The following STXBP6 variants were observed in gnomAD, a reference collection of about 807,000 sequenced individuals.
The protein encoded by STXBP6 is syntaxin binding protein 6, also known as syntaxin-binding protein 6.
STXBP6 carries 21 observed loss-of-function variants against 26.9 expected under a neutral mutation model. The ratio of observed to expected loss-of-function variants is 0.78; its 90% confidence interval spans 0.55 to 1.12. The LOEUF (loss-of-function observed/expected upper bound fraction) is 1.12, where lower values mean the gene tolerates loss of function less well. Among genes scored for constraint, STXBP6 ranks in the 50% most tolerant of loss-of-function variants. The pLI is 0.00. For synonymous variants in STXBP6, 97 were observed against 92.6 expected, an observed-to-expected ratio of 1.05 and a Z score of -0.27; for missense variants, 232 against 257.9, an observed-to-expected ratio of 0.90 and a Z score of 0.69.
intron 1 of STXBP6, among the ~76,000 whole-genome samples, chr14:25,011,154 C>T (rs2075019601): frequency 6.6e-6 from 1 of 151,320 alleles, no homozygotes; most frequent in Non-Finnish European, 1.5e-5. Context: ...TACTTTCCAA[C>T]AAAGAAATTT....
chr14:25,030,288 C>A (rs993867661), intron 1 of STXBP6, among the ~76,000 whole-genome samples: 1 of 152,174 alleles, frequency 6.6e-6, no homozygotes. Context: ...GTACCCCATG[C>A]CCAATATGAG....
chr14:24,912,170 C>A (rs1242728990), intron 2 of STXBP6, among the ~76,000 whole-genome samples: 2 of 152,010 alleles, frequency 1.3e-5, no homozygotes, highest in African/African-American at 4.8e-5. Flanking sequence ...ACAAGGAATT[C>A]GTAGAAGTAA....
chr14:24,968,557 T>C (rs1419880656), intron 2 of STXBP6, among the ~76,000 whole-genome samples: 1 of 152,140 alleles, frequency 6.6e-6, no homozygotes, highest in African/African-American at 2.4e-5. Context: ...TGTAAAGAAT[T>C]TTCTCAAACC....
intron 2 of STXBP6, among the ~76,000 whole-genome samples, chr14:24,879,592 A>T (rs1009410302): frequency 6.6e-6 from 1 of 152,076 alleles, no homozygotes; most frequent in African/African-American, 2.4e-5. Flanking sequence ...GGTTTGTTTG[A>T]TGGAGATTCT....
intron 2 of STXBP6, among the ~76,000 whole-genome samples, chr14:24,925,466 C>T (rs181288235): frequency 5.3e-5 from 8 of 152,290 alleles, no homozygotes; most frequent in Admixed American, 2.0e-4. Context: ...GATAATGTTA[C>T]AGCTACTCAA....
chr14:24,843,756 T>C (rs2068855849), intron 4 of STXBP6, among the ~76,000 whole-genome samples: 6 of 152,310 alleles, frequency 3.9e-5, no homozygotes, highest in Admixed American at 3.9e-4. Flanking sequence ...TACCACATCC[T>C]ACCAGGAAGA....
intron 4 of STXBP6, among the ~76,000 whole-genome samples, chr14:24,843,935 G>A (rs1300332625): frequency 1.3e-5 from 2 of 152,178 alleles, no homozygotes; most frequent in African/African-American, 4.8e-5. Flanking sequence ...GAGTTTATGA[G>A]GTGACTTTTG....
intron 4 of STXBP6, among the ~76,000 whole-genome samples, chr14:24,827,716 G>C (rs1750618845): frequency 6.6e-6 from 1 of 152,090 alleles, no homozygotes; most frequent in South Asian, 2.1e-4. Flanking sequence ...TAGTCTCTAA[G>C]TCCTCTAGTA....
At chr14:24,935,156 T>C (rs1008633055) in intron 2 of STXBP6, among the ~76,000 whole-genome samples, 6 of 152,072 alleles carry the variant, frequency 3.9e-5, no homozygotes, top group Non-Finnish European at 4.4e-5. Context: ...CTTTAGTAAA[T>C]ATGAAAAAGC....
rs537974972 is a variant in STXBP6 at position 25,004,813 on chromosome 14, G to A, written c.-32-29963C>T. 7.2e-5 allele frequency among the ~76,000 whole-genome samples: 11 copies of A among 152,320 alleles called. No homozygotes were observed. In the South Asian group the frequency reaches 1.5e-3, roughly 20 times the overall value. On this transcript the variant is annotated intron_variant, in intron 1 of 5. Coordinates refer to ENST00000323944, the MANE Select transcript of STXBP6 (RefSeq NM_001394410.1). ...TCTACACTCAGCTACTGGGGAGTGC[G>A]CAGCAAGAAGCATAGCTTTCTATAA...
chr14:25,032,639 G>A (rs944195473), intron 1 of STXBP6, among the ~76,000 whole-genome samples: 1 of 152,206 alleles, frequency 6.6e-6, no homozygotes, highest in East Asian at 1.9e-4. Flanking sequence ...GCTCCCACTA[G>A]TGGTGGGGAG....
At chr14:24,872,145 A>C (rs2069959760) in intron 2 of STXBP6, among the ~76,000 whole-genome samples, 1 of 152,236 alleles carries the variant, frequency 6.6e-6, no homozygotes, top group South Asian at 2.1e-4. Context: ...TTTCAAACAG[A>C]AATTTTAGTC....
chr14:24,968,510 A>G (rs1472321244), intron 2 of STXBP6, among the ~76,000 whole-genome samples: 2 of 152,200 alleles, frequency 1.3e-5, no homozygotes, highest in African/African-American at 4.8e-5. Flanking sequence ...CAGATCACTG[A>G]CAATTAAATT....
At chr14:24,896,510 G>A (rs1475099137) in intron 2 of STXBP6, among the ~76,000 whole-genome samples, 2 of 152,116 alleles carry the variant, frequency 1.3e-5, no homozygotes, top group Non-Finnish European at 2.9e-5. Context: ...GAGGAACCCA[G>A]GAATCTGCAT....
chr14:24,894,189 A>T (rs187039302), intron 2 of STXBP6, among the ~76,000 whole-genome samples: 15 of 152,366 alleles, frequency 9.8e-5, no homozygotes, highest in African/African-American at 3.6e-4. Context: ...GGACAAAAAG[A>T]CAAAGACCAA....
At chr14:24,903,147 CAT>C (rs1262196197) in intron 2 of STXBP6, among the ~76,000 whole-genome samples, 1 of 152,162 alleles carries the variant, frequency 6.6e-6, no homozygotes, top group Non-Finnish European at 1.5e-5. Flanking sequence ...TGAATTATCA[CAT>C]GTGCTTGAGG....
chr14:24,891,461 T>C (rs184804067), intron 2 of STXBP6, among the ~76,000 whole-genome samples: 133 of 152,276 alleles, frequency 8.7e-4, no homozygotes, highest in Non-Finnish European at 4.3e-4. Flanking sequence ...CACAATTTCA[T>C]TTCACACTAA....
chr14:25,015,675 G>GA (rs907552696), intron 1 of STXBP6, among the ~76,000 whole-genome samples: 8 of 151,740 alleles, frequency 5.3e-5, no homozygotes, highest in African/African-American at 1.9e-4. Flanking sequence ...CATGAAAAAA[G>GA]AAAAATGTTA....
chr14:24,996,356 T>C (rs2074601855), intron 1 of STXBP6, among the ~76,000 whole-genome samples: 1 of 152,140 alleles, frequency 6.6e-6, no homozygotes. Flanking sequence ...ACCAAATTCC[T>C]TGGTAAACTT....
Sources: allele counts gnomAD v4.1 joint callset (sites outside exome capture counted in the v4.1 genomes callset), GRCh38; gene constraint gnomAD v4.1.1; transcripts MANE v1.5; gene names NCBI Gene and HGNC (gene_info 2026-07-23, HGNC 2026-07-21).